The following TTC23 variants were observed in gnomAD, a reference collection of about 807,000 sequenced individuals.
The protein encoded by TTC23 is tetratricopeptide repeat protein 23.
In TTC23, 58 loss-of-function variants were observed where a neutral mutation model predicts 55.1. That is an observed-to-expected ratio of 1.05 (90% CI 0.85 to 1.31). The LOEUF is 1.31. Ranked by LOEUF, TTC23 falls within the 50% of genes most tolerant of loss-of-function variation. The pLI, the probability that TTC23 is intolerant of heterozygous loss-of-function variation, is 0.00. For synonymous variants in TTC23, 203 were observed against 199.9 expected (o/e 1.02, Z -0.13); for missense variants, 516 against 534.4 (o/e 0.97, Z 0.34).
At chr15:99,238,000 C>A (rs2079463840) in intron 3 of TTC23, among the ~76,000 whole-genome samples, 1 of 152,196 alleles carries the variant, frequency 6.6e-6, no homozygotes, top group Non-Finnish European at 1.5e-5. Context: ...GAGTCTCACT[C>A]TGTCACCCAG....
intron 8 of TTC23, among the ~76,000 whole-genome samples, chr15:99,214,352 C>T (rs1486135723): frequency 6.6e-6 from 1 of 151,800 alleles, no homozygotes; most frequent in East Asian, 1.9e-4. Flanking sequence ...CTAAAAAATA[C>T]AAAAAATTAG....
intron 9 of TTC23, among the ~76,000 whole-genome samples, chr15:99,176,841 C>T (rs887615134): frequency 2.6e-5 from 4 of 152,118 alleles, no homozygotes; most frequent in Non-Finnish European, 5.9e-5. Context: ...AAGAGTCTGA[C>T]CCTGATCCTC....
In TTC23 at chr15:99,194,682, T is replaced by G. The variant is rs2075549382; in HGVS notation, c.759+5237A>C. 2.0e-5 allele frequency among the ~76,000 whole-genome samples: 3 copies of G among 150,558 alleles called. No homozygotes were observed. The South Asian group carries it at 6.5e-4, about 32-fold the overall frequency. ...TGAGCGCAGTGGCTCACACCTATAA[T>G]CCCAGCACTTTGGGAGGCACAGGTA... On this transcript the variant is annotated intron_variant, in intron 9 of 13. Coordinates refer to ENST00000394132, the MANE Select transcript of TTC23 (RefSeq NM_001288615.3).
chr15:99,156,190 C>G lies in TTC23; in HGVS notation c.1101G>C (p.Leu367=). 6.2e-7 allele frequency: 1 copy of G among 1,614,232 alleles called. No homozygotes were observed. The highest frequency in any genetic ancestry group is 8.5e-7 in the Non-Finnish European group (1 of 1,180,044). The change falls in exon 12 of 14, where the codon CTG becomes CTC. Residue 367 remains leucine, a synonymous_variant. Transcript: ENST00000394132. ...GGGCCCCACTGTGGTTCCCCTGCGCCAGGTCTGCTCCTCCCAGGAGCCGGT... is the reference window on the plus strand; with the variant it reads ...GGGCCCCACTGTGGTTCCCCTGCGCGAGGTCTGCTCCTCCCAGGAGCCGGT... ...ETYRLLGGAD[L]AQGNHSGARK...
chr15:99,157,115 C>T (rs2070695273), intron 11 of TTC23: 1 of 150,392 alleles, frequency 6.6e-6, no homozygotes, highest in African/African-American at 2.5e-5. Context: ...CTGAATCCAG[C>T]CAGTGATCTT....
chr15:99,237,968 A>G (rs1401382185), intron 3 of TTC23, among the ~76,000 whole-genome samples: 1 of 151,758 alleles, frequency 6.6e-6, no homozygotes, highest in Non-Finnish European at 1.5e-5. Context: ...TTTATTTTTT[A>G]TTATTATTAT....
At chr15:99,227,431 C>T (rs551847042) in intron 5 of TTC23, among the ~76,000 whole-genome samples, 1 of 152,314 alleles carries the variant, frequency 6.6e-6, no homozygotes, top group South Asian at 2.1e-4. Flanking sequence ...CTCATAATTA[C>T]TTGCCAGGAT....
intron 11 of TTC23, among the ~76,000 whole-genome samples, chr15:99,156,897 TGAG>T (rs1440598517): frequency 1.3e-5 from 2 of 152,200 alleles, no homozygotes; most frequent in Non-Finnish European, 2.9e-5. Context: ...CCATTTCAGT[TGAG>T]TAGTAAGAAC....
intron 5 of TTC23, among the ~76,000 whole-genome samples, chr15:99,226,828 T>C (rs1336287886): frequency 6.6e-6 from 1 of 152,190 alleles, no homozygotes; most frequent in East Asian, 1.9e-4. Context: ...GGAGCCACTC[T>C]ATGTCCTCCT....
At chr15:99,200,548 C>G (rs1196024511) in intron 8 of TTC23, among the ~76,000 whole-genome samples, 15 of 152,156 alleles carry the variant, frequency 9.9e-5, no homozygotes, top group Non-Finnish European at 8.8e-5. Context: ...ATGCTAATAA[C>G]TGATCTGTTG....
At chr15:99,171,993 C>T (rs1247716871) in intron 10 of TTC23, among the ~76,000 whole-genome samples, 3 of 151,932 alleles carry the variant, frequency 2.0e-5, no homozygotes, top group Non-Finnish European at 4.4e-5. Flanking sequence ...AAGTTGTCTT[C>T]TTACCCATCT....
chr15:99,159,693 G>A (rs2071091416), intron 11 of TTC23: 1 of 152,256 alleles, frequency 6.6e-6, no homozygotes, highest in African/African-American at 2.4e-5. Context: ...GGTACTGTGG[G>A]CCATGTCAGG....
At chr15:99,197,345 A>G (rs566391419) in intron 9 of TTC23, among the ~76,000 whole-genome samples, 112 of 150,818 alleles carry the variant, frequency 7.4e-4, no homozygotes, top group Non-Finnish European at 1.1e-3. Flanking sequence ...CTTGTGATCC[A>G]CCCTCCTTGG....
intron 7 of TTC23, 68 bp from the exon 8 acceptor site, chr15:99,218,781 G>A (rs770375288): frequency 3.6e-5 from 58 of 1,605,196 alleles, no homozygotes; most frequent in Non-Finnish European, 4.8e-5. Context: ...AACTTCCTTG[G>A]CTCCCATACT....
chr15:99,228,768 T>G, intron 4 of TTC23, 36 bp from the exon 5 acceptor site: 1 of 1,423,402 alleles, frequency 7.0e-7, no homozygotes, highest in Non-Finnish European at 9.5e-7. Context: ...TGTTAAATGA[T>G]AATTTCCATA....
At chr15:99,181,021 C>G (rs2074060720) in intron 9 of TTC23, among the ~76,000 whole-genome samples, 1 of 151,244 alleles carries the variant, frequency 6.6e-6, no homozygotes, top group Admixed American at 6.6e-5. Flanking sequence ...TTACCACTTA[C>G]CAGTTCACTC....
At chr15:99,214,329 A>G (rs1423388499) in intron 8 of TTC23, among the ~76,000 whole-genome samples, 2 of 152,106 alleles carry the variant, frequency 1.3e-5, no homozygotes, top group East Asian at 1.9e-4. Flanking sequence ...AACACGGTGA[A>G]ACACCGTCTC....
intron 4 of TTC23, among the ~76,000 whole-genome samples, chr15:99,233,993 A>G (rs2079119956): frequency 6.6e-6 from 1 of 152,236 alleles, no homozygotes; most frequent in South Asian, 2.1e-4. Flanking sequence ...ATAAAACAAA[A>G]AACCCCTTTG....
intron 12 of TTC23, among the ~76,000 whole-genome samples, chr15:99,152,774 G>A (rs1555497616): frequency 6.6e-6 from 1 of 152,050 alleles, no homozygotes; most frequent in African/African-American, 2.4e-5. Flanking sequence ...TTAACATGGT[G>A]CCACCGGTGT....
Sources: gnomAD v4.1 joint callset for allele counts (sites outside exome capture counted in the v4.1 genomes callset) on GRCh38, gnomAD v4.1.1 for gene constraint, MANE v1.5 for transcripts, NCBI Gene and HGNC (gene_info 2026-07-23, HGNC 2026-07-21) for gene names.